CHCHD3: variants seen among roughly 807,000 people sequenced by gnomAD.
CHCHD3 encodes the protein MICOS complex subunit MIC19.
A neutral mutation model predicts 38.2 loss-of-function variants in CHCHD3; 20 were observed. That is an observed-to-expected ratio of 0.52 (90% CI 0.37 to 0.76). The LOEUF (loss-of-function observed/expected upper bound fraction) is 0.76, where lower values mean the gene tolerates loss of function less well. Ranked by LOEUF, CHCHD3 falls within the 30% of genes least tolerant of loss-of-function variation. CHCHD3 has a pLI of 0.00. For missense variants in CHCHD3, 245 were observed against 279.2 expected (o/e 0.88, Z 0.87); for synonymous variants, 82 against 100.0 (o/e 0.82, Z 1.07).
chr7:132,951,123 C>G (rs1007012773), intron 4 of CHCHD3, among the ~76,000 whole-genome samples: 1 of 152,146 alleles, frequency 6.6e-6, no homozygotes. Flanking sequence ...TCATGATCCC[C>G]CACTGTTTGT....
intron 4 of CHCHD3, among the ~76,000 whole-genome samples, chr7:132,918,009 A>C (rs1810159590): frequency 1.3e-5 from 2 of 152,156 alleles, no homozygotes; most frequent in Admixed American, 6.5e-5. Context: ...GCAGCAAAGA[A>C]AAGACATAGG....
chr7:133,022,740 C>A (rs1408651814), intron 3 of CHCHD3, among the ~76,000 whole-genome samples: 4 of 151,706 alleles, frequency 2.6e-5, no homozygotes, highest in African/African-American at 9.7e-5. Flanking sequence ...GGCTGCCCAC[C>A]CCATTCCACC....
At chr7:132,867,148 T>C (rs931887515) in intron 5 of CHCHD3, among the ~76,000 whole-genome samples, 3 of 152,214 alleles carry the variant, frequency 2.0e-5, no homozygotes, top group Non-Finnish European at 4.4e-5. Flanking sequence ...ACCAGAGGAA[T>C]TTCTGTCTGC....
At chr7:132,931,120 G>A (rs1426699171) in intron 4 of CHCHD3, among the ~76,000 whole-genome samples, 1 of 152,208 alleles carries the variant, frequency 6.6e-6, no homozygotes, top group East Asian at 1.9e-4. Flanking sequence ...AGTAACAAGA[G>A]TGACAAGTAG....
chr7:132,973,408 C>CA, intron 4 of CHCHD3: 2 of 985,430 alleles, frequency 2.0e-6, no homozygotes, highest in Non-Finnish European at 2.4e-6. Context: ...TCAGCTTCCT[C>CA]AAAAAATCCT....
intron 1 of CHCHD3, among the ~76,000 whole-genome samples, chr7:133,076,058 C>CAAA (rs58754100): frequency 6.4e-4 from 41 of 63,678 alleles, no homozygotes; most frequent in Non-Finnish European, 1.0e-3. Flanking sequence ...GATTCTATCT[C>CAAA]AAAAAAAAAA....
chr7:133,011,311 A>AT (rs1174342141), intron 3 of CHCHD3, among the ~76,000 whole-genome samples: 1 of 152,232 alleles, frequency 6.6e-6, no homozygotes, highest in Non-Finnish European at 1.5e-5. Context: ...TTCAAAATGC[A>AT]TTTTTTTAAA....
chr7:132,816,360 T>C (rs980443685), intron 6 of CHCHD3, among the ~76,000 whole-genome samples: 2 of 152,232 alleles, frequency 1.3e-5, no homozygotes, highest in African/African-American at 4.8e-5. Flanking sequence ...TAGCTATGTC[T>C]GTTTTTAAAG....
chr7:132,946,304 GT>G (rs1328132565), intron 4 of CHCHD3, among the ~76,000 whole-genome samples: 2 of 151,962 alleles, frequency 1.3e-5, no homozygotes, highest in East Asian at 1.9e-4. Context: ...CCTTTGAAAT[GT>G]ACCTGATATA....
At chr7:132,972,970 T>C in intron 4 of CHCHD3, 1 of 985,490 alleles carries the variant, frequency 1.0e-6, no homozygotes, top group Non-Finnish European at 1.2e-6. Flanking sequence ...AGATATGCTA[T>C]TCCAATCAAA....
At chr7:132,822,391 C>A (rs983842579) in intron 6 of CHCHD3, among the ~76,000 whole-genome samples, 11 of 151,722 alleles carry the variant, frequency 7.3e-5, no homozygotes, top group African/African-American at 2.7e-4. Flanking sequence ...GTCAAAAAAG[C>A]CTATAATTTT....
At chr7:133,058,045 A>G (rs1814392784) in intron 2 of CHCHD3, among the ~76,000 whole-genome samples, 2 of 152,146 alleles carry the variant, frequency 1.3e-5, no homozygotes, top group South Asian at 4.1e-4. Flanking sequence ...AGAAGACAAC[A>G]TGTTATTAAG....
chr7:132,964,811 T>G (rs910984090), intron 4 of CHCHD3, among the ~76,000 whole-genome samples: 2 of 152,178 alleles, frequency 1.3e-5, no homozygotes, highest in African/African-American at 2.4e-5. Context: ...GGGATTCACA[T>G]AAGAGAATGT....
chr7:133,044,044 A>C (rs949764832), intron 2 of CHCHD3, among the ~76,000 whole-genome samples: 3 of 152,196 alleles, frequency 2.0e-5, no homozygotes, highest in African/African-American at 7.2e-5. Context: ...TCTACCAATA[A>C]TCTATTATGG....
At chr7:132,900,417 C>T (rs1809638021) in intron 4 of CHCHD3, among the ~76,000 whole-genome samples, 2 of 152,152 alleles carry the variant, frequency 1.3e-5, no homozygotes, top group Non-Finnish European at 2.9e-5. Flanking sequence ...CATCAGCTCT[C>T]CTCTTGATCT....
chr7:132,892,433 G>A (rs1809385286), intron 4 of CHCHD3, among the ~76,000 whole-genome samples: 1 of 152,220 alleles, frequency 6.6e-6, no homozygotes, highest in African/African-American at 2.4e-5. Context: ...TAAAAGGGAA[G>A]CAGGGCATAA....
intron 4 of CHCHD3, among the ~76,000 whole-genome samples, chr7:132,916,422 A>T (rs1042169944): frequency 6.6e-6 from 1 of 152,242 alleles, no homozygotes; most frequent in Non-Finnish European, 1.5e-5. Flanking sequence ...GTAGAAAATT[A>T]CAGTAGTTCC....
At chr7:132,879,586 G>T (rs1343249576) in intron 5 of CHCHD3, among the ~76,000 whole-genome samples, 1 of 151,714 alleles carries the variant, frequency 6.6e-6, no homozygotes, top group Non-Finnish European at 1.5e-5. Context: ...TCTATGACAC[G>T]ATAACCACGG....
At chr7:132,839,659 A>G (rs988854074) in intron 5 of CHCHD3, among the ~76,000 whole-genome samples, 1 of 152,220 alleles carries the variant, frequency 6.6e-6, no homozygotes, top group Non-Finnish European at 1.5e-5. Context: ...TGAAAAAATG[A>G]AAGTGAAATC....
Sources: gnomAD v4.1 joint callset for allele counts (sites outside exome capture counted in the v4.1 genomes callset) on GRCh38, gnomAD v4.1.1 for gene constraint, MANE v1.5 for transcripts, NCBI Gene and HGNC (gene_info 2026-07-23, HGNC 2026-07-21) for gene names.